TET1: variants seen among roughly 807,000 people sequenced by gnomAD.
TET1 encodes methylcytosine dioxygenase TET1.
TET1 carries 13 observed loss-of-function variants against 148.7 expected under a neutral mutation model. The observed-to-expected ratio is 0.09, with a 90% CI of 0.06 to 0.14. TET1 has a LOEUF of 0.14. TET1 is among the 10% of genes least tolerant of loss of function. TET1 has a pLI of 1.00. For synonymous variants in TET1, 907 were observed against 937.2 expected (o/e 0.97, Z 0.59); for missense variants, 2,182 against 2,553.8 (o/e 0.85, Z 3.14).
intron 1 of TET1, among the ~76,000 whole-genome samples, chr10:68,561,755 A>G (rs2053557333): frequency 7.4e-6 from 1 of 134,276 alleles, no homozygotes. Context: ...TTGAATATAT[A>G]TATATATATA....
intron 10 of TET1, 42 bp from the exon 11 acceptor site, chr10:68,686,314 G>A (rs2055507843): frequency 5.3e-6 from 8 of 1,500,982 alleles, no homozygotes; most frequent in Admixed American, 2.1e-5. Flanking sequence ...GAATGTGCAC[G>A]ACCCGTATAT....
intron 3 of TET1, among the ~76,000 whole-genome samples, chr10:68,644,290 C>A (rs894931481): frequency 2.0e-5 from 3 of 152,134 alleles, no homozygotes; most frequent in Non-Finnish European, 4.4e-5. Context: ...GAACCTCCAC[C>A]TCCTGTGCTG....
rs182635244 is a variant in TET1, at chr10:68,683,039, C to T, written c.5052+66C>T. 40 of 1,534,730 alleles carry T rather than the reference C, an allele frequency of 2.6e-5. No homozygotes were observed. The African/African-American group carries it at 3.2e-4, about 12-fold the overall frequency. ...CTATATGCTTAGGCTGCAGTCCTTA[C>T]GTATACTGTGATGACTATTACTGTG... On this transcript the variant is annotated intron_variant, in intron 10 of 11. Transcript: ENST00000373644.
intron 3 of TET1, chr10:68,632,820 ATAAAGT>A (rs1326692395): frequency 1.6e-5 from 15 of 932,152 alleles, no homozygotes; most frequent in Non-Finnish European, 2.5e-5. Flanking sequence ...AATCAAGTAA[ATAAAGT>A]TTAAGTTGTA....
At position 68,693,610 on chromosome 10, in the gene TET1, A is replaced by T; in HGVS notation, c.*1796A>T. 1 of 232,680 alleles carries T rather than the reference A, an allele frequency of 4.3e-6. No individual in the cohort carries two copies. The highest frequency in any genetic ancestry group is 6.1e-5 in the East Asian group (1 of 16,416). The allele number at this position is 232,680 out of a possible 1,614,324, so 14.4% of individuals were successfully genotyped here. A position where few individuals can be genotyped will look rare whatever the true frequency, so the allele number is the denominator to read the frequency against. On this transcript the variant is annotated 3_prime_UTR_variant, in exon 12 of 12. Coordinates refer to ENST00000373644, the MANE Select transcript of TET1 (RefSeq NM_030625.3). ...TTTCTGCTTGTTGAATATGTAAAAT[A>T]GGGTAATTCATTGACTTGTTTTAGT...
At chr10:68,650,532 G>A (rs1373312518) in intron 4 of TET1, among the ~76,000 whole-genome samples, 1 of 150,736 alleles carries the variant, frequency 6.6e-6, no homozygotes, top group African/African-American at 2.4e-5. Context: ...TTGGGAGGCT[G>A]AGACAGGAGA....
At chr10:68,596,043 T>TATATAC (rs1385431976) in intron 2 of TET1, among the ~76,000 whole-genome samples, 3 of 131,112 alleles carry the variant, frequency 2.3e-5, no homozygotes, top group Non-Finnish European at 4.8e-5. Flanking sequence ...TATATATATA[T>TATATAC]ACACATTTTT....
intron 3 of TET1, among the ~76,000 whole-genome samples, chr10:68,617,581 T>C (rs1042836318): frequency 1.3e-5 from 2 of 152,142 alleles, no homozygotes; most frequent in Non-Finnish European, 2.9e-5. Context: ...GTCTCACTCT[T>C]GTTGCCTAGG....
chr10:68,651,989 A>G (rs1339460569), intron 5 of TET1, 53 bp downstream of exon 5: 3 of 1,476,700 alleles, frequency 2.0e-6, no homozygotes, highest in African/African-American at 1.4e-5. Flanking sequence ...ATCTGACTCA[A>G]CGGAGATAAA....
intron 3 of TET1, among the ~76,000 whole-genome samples, chr10:68,640,544 C>CTTTTTTTTTTTTTTTTTTTTTTTT (rs60460824): frequency 7.0e-5 from 3 of 42,884 alleles, no homozygotes; most frequent in African/African-American, 2.0e-4. Context: ...TTCTTTCTTT[C>CTTTTTTTTTTTTTTTTTTTTTTTT]TTTTTTTTTT....
chr10:68,585,671 C>G (rs2053852582), intron 2 of TET1, among the ~76,000 whole-genome samples: 1 of 151,866 alleles, frequency 6.6e-6, no homozygotes, highest in Non-Finnish European at 1.5e-5. Context: ...AATCATATGT[C>G]CACTCCCTGA....
At chr10:68,625,389 C>G (rs2054463090) in intron 3 of TET1, among the ~76,000 whole-genome samples, 1 of 152,170 alleles carries the variant, frequency 6.6e-6, no homozygotes, top group African/African-American at 2.4e-5. Context: ...CTTCATCACA[C>G]AGGAGCCTTG....
chr10:68,595,040 C>T (rs1487092966), intron 2 of TET1, among the ~76,000 whole-genome samples: 1 of 150,174 alleles, frequency 6.7e-6, no homozygotes, highest in African/African-American at 2.4e-5. Context: ...TAGCACATGC[C>T]TATTTGGGAC....
intron 2 of TET1, among the ~76,000 whole-genome samples, chr10:68,595,572 T>A (rs906427859): frequency 6.7e-6 from 1 of 149,448 alleles, no homozygotes; most frequent in Non-Finnish European, 1.5e-5. Flanking sequence ...TTATTCATAA[T>A]TTTAATCCTG....
At chr10:68,649,046 G>A (rs762176125) in intron 4 of TET1, among the ~76,000 whole-genome samples, 1 of 152,174 alleles carries the variant, frequency 6.6e-6, no homozygotes, top group East Asian at 1.9e-4. Flanking sequence ...CTTGAATTAA[G>A]GAGAGAAGAA....
chr10:68,566,277 A>C (rs1186508938), intron 1 of TET1, among the ~76,000 whole-genome samples: 1 of 152,240 alleles, frequency 6.6e-6, no homozygotes, highest in Non-Finnish European at 1.5e-5. Context: ...GAGAGAAAGC[A>C]TGCTTTTAAT....
At chr10:68,674,940 G>A (rs1369068555) in intron 8 of TET1, 3 of 373,510 alleles carry the variant, frequency 8.0e-6, no homozygotes, top group Non-Finnish European at 1.5e-5. Context: ...TCTCCATGAT[G>A]TCTTTGTTAG....
intron 3 of TET1, among the ~76,000 whole-genome samples, chr10:68,621,228 GTGT>G (rs2054365715): frequency 6.6e-6 from 1 of 151,446 alleles, no homozygotes; most frequent in Non-Finnish European, 1.5e-5. Context: ...TTGAGCCTAG[GTGT>G]TTCTTGTTGT....
chr10:68,570,832 A>G (rs2053661777), intron 1 of TET1, among the ~76,000 whole-genome samples: 1 of 150,068 alleles, frequency 6.7e-6, no homozygotes, highest in African/African-American at 2.5e-5. Flanking sequence ...ATGGGGTTTC[A>G]CCGTGTTAGG....
Sources: allele counts gnomAD v4.1 joint callset (sites outside exome capture counted in the v4.1 genomes callset), GRCh38; gene constraint gnomAD v4.1.1; transcripts MANE v1.5; gene names NCBI Gene and HGNC (gene_info 2026-07-23, HGNC 2026-07-21).